Variants in TMEM63C observed in about 807,000 individuals in gnomAD.
TMEM63C encodes transmembrane protein 63C.
TMEM63C carries 32 observed loss-of-function variants against 99.2 expected under a neutral mutation model. The observed-to-expected ratio is 0.32, with a 90% CI of 0.24 to 0.43. The LOEUF (loss-of-function observed/expected upper bound fraction) is 0.43. TMEM63C is among the 20% of genes least tolerant of loss of function. The probability of loss-of-function intolerance (pLI) is 1.00; values close to 1 mark genes in which losing one functional copy is unlikely to be tolerated. For synonymous variants in TMEM63C, 376 were observed against 397.9 expected (o/e 0.94, Z 0.66); for missense variants, 826 against 1,053.0 (o/e 0.78, Z 2.98).
intron 23 of TMEM63C, among the ~76,000 whole-genome samples, chr14:77,253,579 A>G (rs539171544): frequency 6.6e-6 from 1 of 152,306 alleles, no homozygotes; most frequent in South Asian, 2.1e-4. Flanking sequence ...AGAGTGAGAA[A>G]AAGAGAAGAG....
chr14:77,253,276 C>T, intron 22 of TMEM63C, 29 bp from the exon 23 acceptor site: 1 of 1,606,688 alleles, frequency 6.2e-7, no homozygotes, highest in Non-Finnish European at 8.5e-7. Context: ...AGCAGGCCTC[C>T]TGTAACCCAC....
intron 1 of TMEM63C, among the ~76,000 whole-genome samples, chr14:77,202,366 T>C (rs1289689198): frequency 6.6e-6 from 1 of 151,518 alleles, no homozygotes; most frequent in Non-Finnish European, 1.5e-5. Context: ...ATAGACCCAC[T>C]GTATTGGCTT....
At chr14:77,198,213 T>C (rs918168758) in intron 1 of TMEM63C, among the ~76,000 whole-genome samples, 1 of 152,230 alleles carries the variant, frequency 6.6e-6, no homozygotes, top group Non-Finnish European at 1.5e-5. Flanking sequence ...GCCAAAACCT[T>C]GGCTCCCATG....
chr14:77,256,998 C>A lies in TMEM63C; in HGVS notation c.*272C>A. On this transcript the variant is annotated 3_prime_UTR_variant, in exon 24 of 24. Coordinates refer to ENST00000298351, the MANE Select transcript of TMEM63C (RefSeq NM_020431.4). ...GTCTTGAGAGAGGTGGCTGGAGCCC[C>A]GGCACAGAGACTGAACGCTGGGGTC... 1 of 431,678 alleles carries A rather than the reference C, an allele frequency of 2.3e-6. No individual in the cohort carries two copies. The highest frequency in any genetic ancestry group is 4.2e-6 in the Non-Finnish European group (1 of 239,152). 26.7% of individuals were successfully genotyped at this position (431,678 alleles called of 1,614,324 possible).
At chr14:77,192,149 C>G (rs552032028) in intron 1 of TMEM63C, among the ~76,000 whole-genome samples, 4 of 152,310 alleles carry the variant, frequency 2.6e-5, no homozygotes, top group South Asian at 4.1e-4. Context: ...ATGACTTTTT[C>G]CATCCTTTCA....
In TMEM63C at chr14:77,186,801, CTG is replaced by C. The variant is rs1240827650; in HGVS notation, c.-77+4925_-77+4926del. Among the ~76,000 whole-genome samples, 460 of 146,486 alleles carry C rather than the reference CTG, an allele frequency of 3.1e-3. 4 individuals carry two copies. Among genetic ancestry groups the C allele is most frequent in the African/African-American group, 0.011 (438 of 39,234 alleles). ...GGTGTGTGTGTGTGTGTGTGTGTGT[CTG>C]TGTGTGTGTGTGTGTGTCTGTGTGT... On this transcript the variant is annotated intron_variant, in intron 1 of 23. Coordinates refer to ENST00000298351, the MANE Select transcript of TMEM63C (RefSeq NM_020431.4).
chr14:77,239,573 G>A (rs762718932), intron 11 of TMEM63C, 30 bp from the exon 12 acceptor site: 11 of 1,612,888 alleles, frequency 6.8e-6, no homozygotes, highest in Non-Finnish European at 8.5e-6. Context: ...CTGACCTGCA[G>A]GTCCTTCTCC....
chr14:77,200,269 A>C (rs1888278070), intron 1 of TMEM63C, among the ~76,000 whole-genome samples: 1 of 152,160 alleles, frequency 6.6e-6, no homozygotes, highest in African/African-American at 2.4e-5. Flanking sequence ...GGAGGCTCTG[A>C]TGATCCCCAG....
intron 21 of TMEM63C, 77 bp downstream of exon 21, chr14:77,249,535 T>C: frequency 6.6e-7 from 1 of 1,520,118 alleles, no homozygotes; most frequent in South Asian, 1.2e-5. Flanking sequence ...CTGACCCTGT[T>C]AGAGGAGAAA....
chr14:77,191,754 G>A (rs1888114532), intron 1 of TMEM63C, among the ~76,000 whole-genome samples: 2 of 151,678 alleles, frequency 1.3e-5, no homozygotes, highest in South Asian at 4.2e-4. Context: ...ATGTTGGTCA[G>A]GCTGGTCTCG....
Position 77,218,996 on chromosome 14 carries a change from A to G in TMEM63C, c.150+33A>G. On this transcript the variant is annotated intron_variant, in intron 3 of 23. Coordinates refer to ENST00000298351, the MANE Select transcript of TMEM63C (RefSeq NM_020431.4). ...CTGGGCACTGCAGGAGGCAGACAGT[A>G]AAGCCTCAGACAGGGTCGAACTTTC... 1.3e-6 allele frequency: 2 copies of G among 1,506,150 alleles called. 1 individual carries two copies. Among genetic ancestry groups the G allele is most frequent in the Middle Eastern group, 4.1e-4 (2 of 4,880 alleles). 93.3% of individuals were successfully genotyped at this position (1,506,150 alleles called of 1,614,324 possible).
At chr14:77,236,991 T>A (rs1301561443) in intron 9 of TMEM63C, among the ~76,000 whole-genome samples, 1 of 146,620 alleles carries the variant, frequency 6.8e-6, no homozygotes, top group East Asian at 2.1e-4. Context: ...CTCCACCCTC[T>A]CACCCTCCTC....
At chr14:77,216,986 T>G (rs1888597499) in intron 2 of TMEM63C, among the ~76,000 whole-genome samples, 1 of 152,170 alleles carries the variant, frequency 6.6e-6, no homozygotes, top group East Asian at 1.9e-4. Context: ...GGCAACATAG[T>G]GAGACCCTTG....
chr14:77,230,480 G>A (rs929300398), intron 6 of TMEM63C, among the ~76,000 whole-genome samples: 3 of 152,162 alleles, frequency 2.0e-5, no homozygotes, highest in African/African-American at 7.2e-5. Flanking sequence ...TGTGTAACAG[G>A]GGTCCCCAAC....
chr14:77,219,979 C>T (rs1888660951), intron 4 of TMEM63C, 27 bp from the exon 5 acceptor site: 1 of 1,550,202 alleles, frequency 6.5e-7, no homozygotes, highest in Non-Finnish European at 8.7e-7. Flanking sequence ...TCCTTTCTTA[C>T]CTCCCTGCCC....
intron 6 of TMEM63C, among the ~76,000 whole-genome samples, chr14:77,228,998 G>A (rs1888885515): frequency 6.6e-6 from 1 of 152,204 alleles, no homozygotes; most frequent in Non-Finnish European, 1.5e-5. Context: ...AGAGGCCACT[G>A]TCACCATTAC....
At chr14:77,192,498 T>C (rs1330257317) in intron 1 of TMEM63C, among the ~76,000 whole-genome samples, 2 of 152,190 alleles carry the variant, frequency 1.3e-5, no homozygotes, top group Non-Finnish European at 2.9e-5. Context: ...TATTCAAACA[T>C]GACTTTAGGA....
At chr14:77,194,136 T>G (rs1042288091) in intron 1 of TMEM63C, among the ~76,000 whole-genome samples, 1 of 152,032 alleles carries the variant, frequency 6.6e-6, no homozygotes, top group African/African-American at 2.4e-5. Context: ...AACCTAAATA[T>G]CAATCAACAA....
chr14:77,213,061 G>T (rs1381117385), intron 1 of TMEM63C, among the ~76,000 whole-genome samples: 3 of 152,154 alleles, frequency 2.0e-5, no homozygotes, highest in South Asian at 2.1e-4. Flanking sequence ...ACCAATAGTG[G>T]TCTATTCTAC....
Sources: allele counts gnomAD v4.1 joint callset (sites outside exome capture counted in the v4.1 genomes callset), GRCh38; gene constraint gnomAD v4.1.1; transcripts MANE v1.5; gene names NCBI Gene and HGNC (gene_info 2026-07-23, HGNC 2026-07-21).